The following CSGALNACT1 variants were observed in gnomAD, a reference collection of about 807,000 sequenced individuals.
CSGALNACT1 encodes beta4GalNAcT-1.
A neutral mutation model predicts 51.0 loss-of-function variants in CSGALNACT1; 52 were observed. The ratio of observed to expected loss-of-function variants is 1.02; its 90% CI spans 0.82 to 1.29. The LOEUF is 1.29. Among genes scored for constraint, CSGALNACT1 ranks in the 50% most tolerant of loss-of-function variants. CSGALNACT1 has a pLI of 0.00. For missense variants in CSGALNACT1, 935 were observed against 679.2 expected (o/e 1.38, Z -4.19); for synonymous variants, 341 against 254.4 (o/e 1.34, Z -3.24).
At chr8:19,682,229 T>C (rs2060671171) in intron 1 of CSGALNACT1, among the ~76,000 whole-genome samples, 1 of 152,156 alleles carries the variant, frequency 6.6e-6, no homozygotes, top group South Asian at 2.1e-4. Context: ...AGCCTCTGTT[T>C]GTACTCCTGC....
intron 3 of CSGALNACT1, among the ~76,000 whole-genome samples, chr8:19,544,080 T>G (rs547147704): frequency 6.8e-6 from 1 of 147,814 alleles, no homozygotes; most frequent in Non-Finnish European, 1.5e-5. Context: ...CATAACTTTT[T>G]TTTTTTTTTA....
chr8:19,496,269 G>C (rs1563729256), intron 4 of CSGALNACT1, among the ~76,000 whole-genome samples: 1 of 152,140 alleles, frequency 6.6e-6, no homozygotes, highest in African/African-American at 2.4e-5. Context: ...CACCACCATA[G>C]AACACAGATC....
chr8:19,499,039 C>T (rs1587295887), intron 4 of CSGALNACT1, among the ~76,000 whole-genome samples: 1 of 152,268 alleles, frequency 6.6e-6, no homozygotes, highest in East Asian at 1.9e-4. Context: ...CACTTGAGCC[C>T]AGGAAGTTGA....
intron 1 of CSGALNACT1, among the ~76,000 whole-genome samples, chr8:19,696,214 A>G (rs973963679): frequency 1.3e-5 from 2 of 152,208 alleles, no homozygotes; most frequent in African/African-American, 4.8e-5. Flanking sequence ...GAACTTGACA[A>G]TGTGAAAAAG....
intron 4 of CSGALNACT1, among the ~76,000 whole-genome samples, chr8:19,487,874 T>C (rs1414668700): frequency 1.3e-5 from 2 of 152,050 alleles, no homozygotes; most frequent in East Asian, 1.9e-4. Context: ...AAGAATGAAC[T>C]GAGAATGAAA....
intron 1 of CSGALNACT1, among the ~76,000 whole-genome samples, chr8:19,660,810 T>C (rs1405972207): frequency 2.0e-5 from 3 of 152,206 alleles, no homozygotes; most frequent in Admixed American, 6.5e-5. Context: ...GGACACACTC[T>C]CTACACACAG....
chr8:19,654,044 G>A (rs1212019654), intron 1 of CSGALNACT1, among the ~76,000 whole-genome samples: 1 of 152,136 alleles, frequency 6.6e-6, no homozygotes, highest in African/African-American at 2.4e-5. Flanking sequence ...AGCTGATCCT[G>A]CAACGCCTAA....
chr8:19,536,931 G>T (rs763510160), intron 3 of CSGALNACT1, among the ~76,000 whole-genome samples: 4 of 152,128 alleles, frequency 2.6e-5, no homozygotes, highest in Non-Finnish European at 4.4e-5. Context: ...TTCAACAAAT[G>T]GTGCTGGTTC....
chr8:19,738,913 G>C (rs935502340), intron 1 of CSGALNACT1, among the ~76,000 whole-genome samples: 2 of 151,982 alleles, frequency 1.3e-5, no homozygotes, highest in African/African-American at 4.8e-5. Flanking sequence ...TGAGGAAGAG[G>C]ACTTTCAATT....
intron 1 of CSGALNACT1, among the ~76,000 whole-genome samples, chr8:19,724,810 C>T (rs892693541): frequency 2.0e-5 from 3 of 152,206 alleles, no homozygotes; most frequent in Admixed American, 6.5e-5. Context: ...GCATCCTCTG[C>T]GTGTTGTTGC....
intron 3 of CSGALNACT1, among the ~76,000 whole-genome samples, chr8:19,514,537 C>T (rs1301727376): frequency 8.5e-6 from 1 of 117,284 alleles, no homozygotes; most frequent in East Asian, 2.4e-4. Flanking sequence ...AAATTATATA[C>T]AGGCCAGGCA....
At chr8:19,569,875 T>C (rs188219611) in intron 3 of CSGALNACT1, among the ~76,000 whole-genome samples, 58 of 152,276 alleles carry the variant, frequency 3.8e-4, no homozygotes, top group African/African-American at 1.1e-3. Context: ...AGCAACCAAA[T>C]AGAACAAACT....
chr8:19,583,043 G>GA (rs1044391800), intron 3 of CSGALNACT1, among the ~76,000 whole-genome samples: 7 of 152,058 alleles, frequency 4.6e-5, no homozygotes, highest in Admixed American at 1.3e-4. Context: ...ATACACTGGA[G>GA]AAAAAAATTC....
intron 1 of CSGALNACT1, among the ~76,000 whole-genome samples, chr8:19,645,958 A>G (rs1358814351): frequency 6.6e-6 from 1 of 152,224 alleles, no homozygotes. Context: ...CAGAGAGCTA[A>G]CAATACGCCC....
exon 4 of CSGALNACT1, chr8:19,505,461 T>G: frequency 6.2e-7 from 1 of 1,614,112 alleles, no homozygotes; most frequent in South Asian, 1.1e-5. Flanking sequence ...CACCTGCGAG[T>G]GCAGGAAGGC....
intron 1 of CSGALNACT1, among the ~76,000 whole-genome samples, chr8:19,720,014 G>C (rs1026291079): frequency 4.6e-5 from 7 of 152,098 alleles, no homozygotes; most frequent in Admixed American, 2.6e-4. Flanking sequence ...CTCACTTTTT[G>C]CCCTTTAGAC....
chr8:19,650,708 G>C (rs992981725), intron 1 of CSGALNACT1, among the ~76,000 whole-genome samples: 1 of 152,126 alleles, frequency 6.6e-6, no homozygotes, highest in African/African-American at 2.4e-5. Context: ...ACACGCTTAA[G>C]CACTGAGGAA....
rs1219386728 is a variant in CSGALNACT1, at chr8:19,526,885, A to T, written c.-296-20755T>A. On this transcript the variant is annotated intron_variant, in intron 3 of 9. Coordinates refer to ENST00000454498, the Ensembl canonical transcript of CSGALNACT1. ...CTCTGGCCATTCCAGGAGTACAAAA[A>T]ATGCTAACAAAATCTTTAGACAACC... 2.0e-5 allele frequency among the ~76,000 whole-genome samples: 3 copies of T among 152,178 alleles called. 1 individual carries two copies. In the South Asian group the frequency reaches 6.2e-4, roughly 32 times the overall value.
intron 2 of CSGALNACT1, among the ~76,000 whole-genome samples, chr8:19,593,710 G>C (rs1014205901): frequency 6.6e-6 from 1 of 152,220 alleles, no homozygotes; most frequent in African/African-American, 2.4e-5. Context: ...AAAGATCCTT[G>C]AGGTTAAAGG....
Sources: gnomAD v4.1 joint callset for allele counts (sites outside exome capture counted in the v4.1 genomes callset) on GRCh38, gnomAD v4.1.1 for gene constraint, MANE v1.5 for transcripts, NCBI Gene and HGNC (gene_info 2026-07-23, HGNC 2026-07-21) for gene names.